HPS4: variants seen among roughly 807,000 people sequenced by gnomAD.
HPS4 encodes BLOC-3 complex member HPS4.
A neutral mutation model predicts 70.3 loss-of-function variants in HPS4; 44 were observed. The ratio of observed to expected loss-of-function variants is 0.63; its 90% CI spans 0.49 to 0.80. The LOEUF (loss-of-function observed/expected upper bound fraction) is 0.80. Ranked by LOEUF, HPS4 falls within the 30% of genes least tolerant of loss-of-function variation. HPS4 has a pLI of 0.00. For synonymous variants in HPS4, 377 were observed against 355.9 expected (o/e 1.06, Z -0.67); for missense variants, 873 against 884.4 (o/e 0.99, Z 0.16).
rs2085333876 is a variant in HPS4, at chr22:26,452,194, T to G, written c.*1039A>C. 3.0e-6 allele frequency: 1 copy of G among 332,340 alleles called. No homozygotes were observed. The highest frequency in any genetic ancestry group is 6.0e-6 in the Non-Finnish European group (1 of 167,230). 20.6% of individuals were successfully genotyped at this position (332,340 alleles called of 1,614,324 possible). A position where few individuals can be genotyped will look rare whatever the true frequency, so the allele number is the denominator to read the frequency against. ...AACATCAGATATCAGTTCACTGACA[T>G]GAAATTATTAACAATACAACTCTCA... On this transcript the variant is annotated 3_prime_UTR_variant, in exon 14 of 14. Transcript: ENST00000398145.
rs976029550 is a variant in HPS4, at chr22:26,471,267, G to C, written c.502-454C>G. On this transcript the variant is annotated intron_variant, in intron 6 of 13. Transcript: ENST00000398145. ...ATCCCCATGGTGATACAGGTGGCTT[G>C]ATGTCTGACCAGGTTCCATGACTCT... The C allele has an allele frequency of 7.0e-5, 30 of 430,026 alleles. No individual in the cohort carries two copies. The Admixed American group carries it at 7.1e-4, about 10-fold the overall frequency. The allele number at this position is 430,026 out of a possible 1,614,324, so 26.6% of individuals were successfully genotyped here.
chr22:26,470,897 C>T (rs754886976), intron 6 of HPS4, 84 bp from the exon 7 acceptor site: 8 of 1,579,420 alleles, frequency 5.1e-6, no homozygotes, highest in Non-Finnish European at 6.9e-6. Flanking sequence ...TTGTACAGAA[C>T]AGCTGGACAG....
downstream of HPS4, among the ~76,000 whole-genome samples, chr22:26,447,278 G>C (rs2084984932): frequency 6.6e-6 from 1 of 152,228 alleles, no homozygotes; most frequent in South Asian, 2.1e-4. Flanking sequence ...TGAAGGGAAA[G>C]AAGCTGAGAG....
At chr22:26,458,769 C>T (rs1264558404) in intron 11 of HPS4, among the ~76,000 whole-genome samples, 192 bp from the exon 12 acceptor site, 3 of 150,536 alleles carry the variant, frequency 2.0e-5, no homozygotes, top group South Asian at 2.1e-4. Flanking sequence ...TGCAGTGAGC[C>T]GAGACCGCAC....
chr22:26,462,008 C>A (rs2087378118), intron 11 of HPS4, among the ~76,000 whole-genome samples: 1 of 152,004 alleles, frequency 6.6e-6, no homozygotes, highest in Admixed American at 6.6e-5. Flanking sequence ...TGCCTGTAAT[C>A]CCAGCTACTC....
rs140778624 is a variant in HPS4, at chr22:26,459,110, C to T, written c.1714-533G>A. On this transcript the variant is annotated intron_variant, in intron 11 of 13. Transcript: ENST00000398145. Reference sequence around the variant, plus strand: ...CAATACAAACAGCCTGGGACCATCCCGCATTGTTTCTCACTGGCCCTGGGT... The same window carrying T: ...CAATACAAACAGCCTGGGACCATCCTGCATTGTTTCTCACTGGCCCTGGGT... 3.0e-3 allele frequency among the ~76,000 whole-genome samples: 450 copies of T among 152,310 alleles called. 2 individuals are homozygous for T. The highest frequency in any genetic ancestry group is 9.8e-3 in the African/African-American group (407 of 41,564).
chr22:26,458,822 A>AAG (rs2086700644), intron 11 of HPS4, among the ~76,000 whole-genome samples: 1 of 143,860 alleles, frequency 7.0e-6, no homozygotes. Flanking sequence ...CTCTGTCTCG[A>AAG]AAAAAAAAAA....
At chr22:26,471,796 A>C (rs1027985991) in intron 6 of HPS4, among the ~76,000 whole-genome samples, 1 of 152,218 alleles carries the variant, frequency 6.6e-6, no homozygotes, top group Non-Finnish European at 1.5e-5. Flanking sequence ...GGGGCAGCAC[A>C]GGTGGTCAGG....
intron 13 of HPS4, 76 bp from the exon 14 acceptor site, chr22:26,453,480 G>A: frequency 6.5e-7 from 1 of 1,531,390 alleles, no homozygotes; most frequent in South Asian, 1.1e-5. Flanking sequence ...CCTCAGTAAG[G>A]TTCTTGTCAC....
chr22:26,472,757 G>A (rs969056270), intron 5 of HPS4, 75 bp downstream of exon 5: 1 of 1,099,836 alleles, frequency 9.1e-7, no homozygotes, highest in Non-Finnish European at 1.4e-6. Context: ...AGACCCCAGA[G>A]TAAGTGCTGC....
At chr22:26,467,516 GA>G (rs1186661395) in intron 8 of HPS4, 1 of 152,122 alleles carries the variant, frequency 6.6e-6, no homozygotes, top group African/African-American at 2.4e-5. Context: ...TATATTCCTA[GA>G]AGTCAAATTA....
chr22:26,458,692 C>T, intron 11 of HPS4, 115 bp from the exon 12 acceptor site: 1 of 1,251,060 alleles, frequency 8.0e-7, no homozygotes, highest in Non-Finnish European at 1.1e-6. Flanking sequence ...CACGGTGGCT[C>T]ACACCTGTAA....
chr22:26,470,909 G>A (rs1302270299), intron 6 of HPS4, 96 bp from the exon 7 acceptor site: 2 of 1,567,324 alleles, frequency 1.3e-6, no homozygotes, highest in Non-Finnish European at 1.7e-6. Flanking sequence ...GCTGGACAGG[G>A]TGTAGCTCAA....
At chr22:26,476,770 G>A (rs1004686963) in intron 4 of HPS4, 11 of 534,132 alleles carry the variant, frequency 2.1e-5, no homozygotes, top group African/African-American at 1.9e-4. Context: ...AAGGAAAGGA[G>A]AAACCAGCTG....
downstream of HPS4, among the ~76,000 whole-genome samples, chr22:26,450,672 T>C (rs887921393): frequency 1.3e-5 from 2 of 152,208 alleles, no homozygotes; most frequent in African/African-American, 2.4e-5. Context: ...TGGGAGGTAA[T>C]TGAATTATGG....
downstream of HPS4, among the ~76,000 whole-genome samples, chr22:26,448,373 C>T (rs1272373987): frequency 2.6e-5 from 4 of 152,212 alleles, no homozygotes; most frequent in Admixed American, 2.0e-4. Context: ...GGCAGAGCTG[C>T]GATTTGAACC....
At chr22:26,459,910 G>A (rs921065821) in intron 11 of HPS4, among the ~76,000 whole-genome samples, 8 of 152,146 alleles carry the variant, frequency 5.3e-5, no homozygotes, top group Non-Finnish European at 4.4e-5. Context: ...ATAATTTGTG[G>A]ACTATTTTTC....
intron 4 of HPS4, chr22:26,475,347 C>CTTTTTTTTTTTTTTTTTTT (rs5844705): frequency 1.0e-5 from 1 of 95,646 alleles, no homozygotes; most frequent in African/African-American, 3.9e-5. Context: ...CATTAAATTT[C>CTTTTTTTTTTTTTTTTTTT]TTTTTTTTTT....
rs937547471 is a variant in HPS4, at chr22:26,452,323, G to T, written c.*910C>A. 4.4e-6 allele frequency: 2 copies of T among 456,442 alleles called. No individual in the cohort carries two copies. Among genetic ancestry groups the T allele is most frequent in the Non-Finnish European group, 8.8e-6 (2 of 226,976 alleles). 28.3% of individuals were successfully genotyped at this position (456,442 alleles called of 1,614,324 possible). On this transcript the variant is annotated 3_prime_UTR_variant, in exon 14 of 14. Transcript: ENST00000398145. ...TGTCAAAAAAATGTCTGACTATAAC[G>T]TAATAGAACTGAGGTTCTAAGTACC...
Sources: allele counts gnomAD v4.1 joint callset (sites outside exome capture counted in the v4.1 genomes callset), GRCh38; gene constraint gnomAD v4.1.1; transcripts MANE v1.5; gene names NCBI Gene and HGNC (gene_info 2026-07-23, HGNC 2026-07-21).